Variants in DPP10 observed in about 807,000 individuals in gnomAD.
DPP10 encodes the protein inactive dipeptidyl peptidase 10.
In DPP10, 33 loss-of-function variants were observed where a neutral mutation model predicts 120.9. The observed-to-expected ratio is 0.27, with a 90% confidence interval of 0.21 to 0.37. The LOEUF is 0.37. Among genes scored for constraint, DPP10 ranks in the 10% least tolerant of loss-of-function variants. The pLI, the probability that DPP10 is intolerant of heterozygous loss-of-function variation, is 1.00. For synonymous variants in DPP10, 337 were observed against 326.1 expected, an observed-to-expected ratio of 1.03 and a Z score of -0.36; for missense variants, 816 against 942.8, an observed-to-expected ratio of 0.87 and a Z score of 1.76.
chr2:115,689,941 T>G lies in DPP10; in HGVS notation c.576+20T>G, dbSNP rs1224396334. ...CAGCTGGTAAGCGCAGGCATTGGTA[T>G]GCACTGAACACTGCCAATCATGGTT... On this transcript the variant is annotated intron_variant, in intron 7 of 25. Coordinates refer to ENST00000410059, the MANE Select transcript of DPP10 (RefSeq NM_020868.6). The G allele has an allele frequency of 1.2e-6, 2 of 1,604,216 alleles. No homozygotes were observed. The highest frequency in any genetic ancestry group is 1.7e-6 in the Non-Finnish European group (2 of 1,176,072).
chr2:114,543,682 C>T (rs1407274194), intron 1 of DPP10, among the ~76,000 whole-genome samples: 1 of 152,174 alleles, frequency 6.6e-6, no homozygotes, highest in South Asian at 2.1e-4. Flanking sequence ...AAGCAAACTC[C>T]TCTCCCATAC....
chr2:115,693,657 T>G (rs542752290), intron 7 of DPP10, among the ~76,000 whole-genome samples: 1 of 152,270 alleles, frequency 6.6e-6, no homozygotes, highest in South Asian at 2.1e-4. Context: ...TATTTGTTAT[T>G]GATTCCTTAT....
At chr2:115,417,624 A>G (rs2069550121) in intron 3 of DPP10, among the ~76,000 whole-genome samples, 1 of 152,170 alleles carries the variant, frequency 6.6e-6, no homozygotes, top group Non-Finnish European at 1.5e-5. Context: ...AGGCAAAAGG[A>G]GACCAAGTTT....
intron 20 of DPP10, among the ~76,000 whole-genome samples, chr2:115,815,211 G>C (rs1004506448): frequency 1.3e-5 from 2 of 151,698 alleles, no homozygotes; most frequent in African/African-American, 4.8e-5. Context: ...AATTTACTTT[G>C]GATTTATGGA....
chr2:115,024,427 C>T (rs1703305140), intron 1 of DPP10, among the ~76,000 whole-genome samples: 1 of 151,754 alleles, frequency 6.6e-6, no homozygotes, highest in Non-Finnish European at 1.5e-5. Flanking sequence ...CAATTTATCT[C>T]AATTTTAGCT....
chr2:115,513,633 G>T (rs2077349322), intron 4 of DPP10, among the ~76,000 whole-genome samples: 1 of 151,742 alleles, frequency 6.6e-6, no homozygotes, highest in Non-Finnish European at 1.5e-5. Flanking sequence ...TAATTTCAAT[G>T]GCATACAAAC....
intron 3 of DPP10, among the ~76,000 whole-genome samples, chr2:115,390,988 C>T (rs1007540292): frequency 1.3e-5 from 2 of 152,076 alleles, no homozygotes; most frequent in South Asian, 2.1e-4. Context: ...GACAGAGATC[C>T]TAGTATTGGT....
chr2:114,521,366 A>G (rs908164324), intron 1 of DPP10, among the ~76,000 whole-genome samples: 1 of 152,036 alleles, frequency 6.6e-6, no homozygotes, highest in African/African-American at 2.4e-5. Context: ...CTGTCACCGC[A>G]TTAAGAACCT....
intron 5 of DPP10, among the ~76,000 whole-genome samples, chr2:115,594,942 A>G (rs1469791713): frequency 6.6e-6 from 1 of 152,150 alleles, no homozygotes; most frequent in Admixed American, 6.5e-5. Context: ...TATAAATATA[A>G]CCCAAATAAA....
At chr2:115,537,754 A>T (rs189925446) in intron 5 of DPP10, among the ~76,000 whole-genome samples, 1 of 151,954 alleles carries the variant, frequency 6.6e-6, no homozygotes, top group Non-Finnish European at 1.5e-5. Context: ...GATTCTGCAG[A>T]TCAGGGTTTC....
chr2:114,940,814 G>A (rs1473747037), intron 1 of DPP10, among the ~76,000 whole-genome samples: 1 of 152,140 alleles, frequency 6.6e-6, no homozygotes, highest in Admixed American at 6.5e-5. Context: ...GTTTACTCCT[G>A]TGCTGCACAC....
chr2:114,513,306 A>G (rs905707064), intron 1 of DPP10, among the ~76,000 whole-genome samples: 17 of 152,126 alleles, frequency 1.1e-4, no homozygotes, highest in African/African-American at 4.1e-4. Flanking sequence ...GTGGATCATG[A>G]GGTCAGGAGT....
chr2:114,764,804 C>G (rs1414613901), intron 1 of DPP10, among the ~76,000 whole-genome samples: 1 of 152,068 alleles, frequency 6.6e-6, no homozygotes, highest in Non-Finnish European at 1.5e-5. Context: ...CTATACCTAC[C>G]TATGCATTTA....
chr2:114,712,568 T>C (rs1701093936), intron 1 of DPP10, among the ~76,000 whole-genome samples: 1 of 152,174 alleles, frequency 6.6e-6, no homozygotes. Context: ...CATTGAAAGT[T>C]GACATTTAGA....
At chr2:114,898,023 A>C (rs1026122369) in intron 1 of DPP10, among the ~76,000 whole-genome samples, 7 of 152,214 alleles carry the variant, frequency 4.6e-5, no homozygotes, top group Non-Finnish European at 1.0e-4. Context: ...ACTCTAAATC[A>C]TGCTGCTATA....
At chr2:114,777,833 T>A (rs1437417851) in intron 1 of DPP10, among the ~76,000 whole-genome samples, 3 of 152,256 alleles carry the variant, frequency 2.0e-5, no homozygotes, top group African/African-American at 7.2e-5. Flanking sequence ...TTATAGTAAG[T>A]TCTATGAAGT....
At chr2:114,626,473 C>T (rs1694520801) in intron 1 of DPP10, among the ~76,000 whole-genome samples, 1 of 151,996 alleles carries the variant, frequency 6.6e-6, no homozygotes, top group South Asian at 2.1e-4. Flanking sequence ...AGAGTCAAAT[C>T]TTCAAAGACT....
chr2:115,045,047 C>G (rs940398774), intron 1 of DPP10, among the ~76,000 whole-genome samples: 8 of 152,160 alleles, frequency 5.3e-5, no homozygotes, highest in Non-Finnish European at 1.0e-4. Context: ...GATCCCAAAT[C>G]TTGGCTATTG....
chr2:114,847,514 C>A (rs1439148853), intron 1 of DPP10, among the ~76,000 whole-genome samples: 1 of 152,162 alleles, frequency 6.6e-6, no homozygotes, highest in African/African-American at 2.4e-5. Context: ...ACTTCCAACT[C>A]TTGTAACAGT....
Sources: allele counts gnomAD v4.1 joint callset (sites outside exome capture counted in the v4.1 genomes callset), GRCh38; gene constraint gnomAD v4.1.1; transcripts MANE v1.5; gene names NCBI Gene and HGNC (gene_info 2026-07-23, HGNC 2026-07-21).